KMT5A: variants seen among roughly 807,000 people sequenced by gnomAD.
KMT5A encodes lysine methyltransferase 5A, also known as N-lysine methyltransferase KMT5A.
Under a neutral mutation model 40.6 loss-of-function variants are expected in KMT5A, and 6 were observed. The observed-to-expected ratio is 0.15, with a 90% CI of 0.08 to 0.29. KMT5A has a LOEUF of 0.29. KMT5A is among the 10% of genes least tolerant of loss of function. KMT5A has a pLI of 1.00. For synonymous variants in KMT5A, 153 were observed against 178.8 expected (o/e 0.86, Z 1.15); for missense variants, 308 against 459.1 (o/e 0.67, Z 3.01).
intron 1 of KMT5A, among the ~76,000 whole-genome samples, chr12:123,385,915 T>G (rs1342375067): frequency 6.6e-6 from 1 of 152,166 alleles, no homozygotes; most frequent in Non-Finnish European, 1.5e-5. Flanking sequence ...GGCACTTTAT[T>G]AACTCAATTG....
At chr12:123,395,383 T>A in intron 4 of KMT5A, 117 bp downstream of exon 4, 1 of 1,016,698 alleles carries the variant, frequency 9.8e-7, no homozygotes, top group Non-Finnish European at 1.4e-6. Flanking sequence ...CTCTCTCATG[T>A]CAAAGACTCA....
chr12:123,391,248 G>A (rs1287869294), intron 3 of KMT5A: 1 of 158,368 alleles, frequency 6.3e-6, no homozygotes, highest in Non-Finnish European at 1.4e-5. Flanking sequence ...AGGCTGAAGT[G>A]CAATGGCACG....
intron 5 of KMT5A, among the ~76,000 whole-genome samples, chr12:123,400,425 A>C (rs1194556271): frequency 6.7e-6 from 1 of 148,456 alleles, no homozygotes; most frequent in Non-Finnish European, 1.5e-5. Context: ...CAGGTGTGCG[A>C]TCTCGGCTCA....
At chr12:123,396,196 G>T in intron 4 of KMT5A, 149 bp from the exon 5 acceptor site, 1 of 675,680 alleles carries the variant, frequency 1.5e-6, no homozygotes, top group Non-Finnish European at 2.5e-6. Flanking sequence ...AGGTGACTGA[G>T]TGACCTGCAG....
At chr12:123,385,263 C>A (rs1876804976) in intron 1 of KMT5A, among the ~76,000 whole-genome samples, 1 of 152,084 alleles carries the variant, frequency 6.6e-6, no homozygotes, top group Non-Finnish European at 1.5e-5. Flanking sequence ...ATAAGACTTA[C>A]CCAGAGCCTG....
rs1206068357 is a variant in KMT5A at position 123,396,353 on chromosome 12, G to A, written c.518G>A (p.Gly173Glu). The change falls in exon 5 of 8, where the codon GGA becomes GAA. Residue 173 changes from glycine to glutamate, a missense_variant. Gly to Glu is a moderately conservative substitution (Grantham distance 98). This residue lies in a region of KMT5A where 127 missense variants were observed against 129.8 expected (regional missense o/e 0.98). Transcript: ENST00000402868. ...CTTCCCCTCTTACCCAGAGCTCAAGGAAAAACGCAACAGAATCGCAAACTT... is the reference window on the plus strand; with the variant it reads ...CTTCCCCTCTTACCCAGAGCTCAAGAAAAAACGCAACAGAATCGCAAACTT... ...GKQAPRKKAQGKTQQNRKLTD... is the reference protein window; with the variant it reads ...GKQAPRKKAQEKTQQNRKLTD... 6.2e-7 allele frequency: 1 copy of A among 1,613,162 alleles called. No homozygotes were observed. The highest frequency in any genetic ancestry group is 2.2e-5 in the East Asian group (1 of 44,878).
chr12:123,390,828 G>C (rs1877260956), intron 3 of KMT5A, 42 bp downstream of exon 3: 1 of 1,603,834 alleles, frequency 6.2e-7, no homozygotes, highest in Non-Finnish European at 8.5e-7. Flanking sequence ...CAGCTGGTCG[G>C]GTTGCAGAAG....
intron 3 of KMT5A, among the ~76,000 whole-genome samples, chr12:123,392,361 G>C (rs1877376593): frequency 6.6e-6 from 1 of 152,154 alleles, no homozygotes; most frequent in Admixed American, 6.5e-5. Flanking sequence ...GCCATGATTA[G>C]AATTTTGGGT....
intron 4 of KMT5A, among the ~76,000 whole-genome samples, chr12:123,395,566 GTTTTTTT>G (rs144265301): frequency 7.0e-6 from 1 of 143,064 alleles, no homozygotes; most frequent in South Asian, 2.3e-4. Context: ...GGTGTTTTGT[GTTTTTTT>G]TTTTTTTTTT....
intron 5 of KMT5A, among the ~76,000 whole-genome samples, chr12:123,399,741 G>A (rs1014494970): frequency 6.6e-6 from 1 of 152,218 alleles, no homozygotes; most frequent in Non-Finnish European, 1.5e-5. Context: ...TACTTGGGAG[G>A]CTGAGGTGGG....
In KMT5A at chr12:123,384,156, G is replaced by C. The variant is rs1193475671; in HGVS notation, c.-43G>C. The C allele has an allele frequency of 4.3e-6, 7 of 1,612,632 alleles. No homozygotes were observed. In the Admixed American group the frequency reaches 8.4e-5, roughly 19 times the overall value. On this transcript the variant is annotated 5_prime_UTR_variant, in exon 1 of 8. Transcript: ENST00000402868. The surrounding 1 kb of genome is among the most constrained non-coding windows in gnomAD (Gnocchi z 5.7). ...TGAGTTGTTGCAACTTTTTTCGAAA[G>C]CTGGGTTTCCCGGGAGATCCCAGGC... is the stretch of plus-strand genomic sequence containing the variant.
intron 7 of KMT5A, among the ~76,000 whole-genome samples, chr12:123,405,662 G>A (rs374786068): frequency 3.0e-4 from 45 of 150,196 alleles, no homozygotes; most frequent in African/African-American, 1.0e-3. Context: ...GATTACAGGT[G>A]TGCGTCACCA....
chr12:123,388,539 A>G (rs1197754948), intron 1 of KMT5A: 1 of 151,826 alleles, frequency 6.6e-6, no homozygotes. Context: ...ACATCCCTTG[A>G]GTCACAGTGT....
chr12:123,393,962 C>T (rs566275007), intron 3 of KMT5A, among the ~76,000 whole-genome samples: 1 of 151,978 alleles, frequency 6.6e-6, no homozygotes, highest in Non-Finnish European at 1.5e-5. Flanking sequence ...TTTTAATTCT[C>T]TGGAATAGAT....
intron 2 of KMT5A, among the ~76,000 whole-genome samples, 163 bp downstream of exon 2, chr12:123,389,717 G>A (rs1245526240): frequency 2.6e-5 from 4 of 151,982 alleles, no homozygotes; most frequent in Non-Finnish European, 5.9e-5. Flanking sequence ...TGAGCCTGGC[G>A]GTGTTTGACC....
At chr12:123,405,869 G>T (rs1417065076) in intron 7 of KMT5A, among the ~76,000 whole-genome samples, 1 of 151,192 alleles carries the variant, frequency 6.6e-6, no homozygotes, top group East Asian at 1.9e-4. Context: ...ACCCAGGCTG[G>T]AGTGCAGTGG....
chr12:123,394,511 C>T (rs936291388), intron 3 of KMT5A, among the ~76,000 whole-genome samples: 3 of 152,174 alleles, frequency 2.0e-5, no homozygotes, highest in Admixed American at 1.3e-4. Context: ...GTGTGTCTCC[C>T]GATACCCAGG....
Position 123,408,511 on chromosome 12 carries a change from A to G in KMT5A, c.*808A>G, listed in dbSNP as rs1313323562. 3.3e-5 allele frequency: 5 copies of G among 151,416 alleles called. No individual in the cohort carries two copies. Among genetic ancestry groups the G allele is most frequent in the Non-Finnish European group, 7.4e-5 (5 of 67,794 alleles). 9.4% of individuals were successfully genotyped at this position (151,416 alleles called of 1,614,324 possible). ...ATTTAAAAAAATTAAAAATAAAAAA[A>G]ACCACAGAAAACAACTTTACATGTA... On this transcript the variant is annotated 3_prime_UTR_variant, in exon 8 of 8. Coordinates refer to ENST00000402868, the MANE Select transcript of KMT5A (RefSeq NM_020382.7).
At chr12:123,390,541 G>C (rs1877223221) in intron 2 of KMT5A, 89 bp from the exon 3 acceptor site, 2 of 1,508,864 alleles carry the variant, frequency 1.3e-6, no homozygotes, top group East Asian at 2.3e-5. Flanking sequence ...GGTGTTGTCT[G>C]ATTTTCATCT....
Sources: gnomAD v4.1 joint callset for allele counts (sites outside exome capture counted in the v4.1 genomes callset) on GRCh38, gnomAD v4.1.1 for gene constraint, gnomAD v4.1.1 regional missense constraint, Gnocchi (gnomAD v3.1) non-coding constraint, MANE v1.5 for transcripts, NCBI Gene and HGNC (gene_info 2026-07-23, HGNC 2026-07-21) for gene names.